Variants in SHISA9 observed in about 807,000 individuals in gnomAD.
The protein encoded by SHISA9 is shisa family member 9.
In SHISA9, 13 loss-of-function variants were observed where a neutral mutation model predicts 38.0. The observed-to-expected ratio is 0.34, with a 90% CI of 0.22 to 0.54. SHISA9 has a LOEUF of 0.54. Among genes scored for constraint, SHISA9 ranks in the 20% least tolerant of loss-of-function variants. The probability of loss-of-function intolerance (pLI) is 0.91; values close to 1 mark genes in which losing one functional copy is unlikely to be tolerated. For missense variants in SHISA9, 538 were observed against 575.8 expected, an observed-to-expected ratio of 0.93 and a Z score of 0.67; for synonymous variants, 275 against 242.0, an observed-to-expected ratio of 1.14 and a Z score of -1.27.
intron 2 of SHISA9, among the ~76,000 whole-genome samples, chr16:13,083,593 T>C (rs2073678065): frequency 6.6e-6 from 1 of 152,194 alleles, no homozygotes; most frequent in African/African-American, 2.4e-5. Flanking sequence ...TGCGAAGCCC[T>C]AAGCATCAAT....
At chr16:13,139,580 C>G (rs1325238367) in intron 2 of SHISA9, among the ~76,000 whole-genome samples, 2 of 151,808 alleles carry the variant, frequency 1.3e-5, no homozygotes, top group African/African-American at 2.4e-5. Flanking sequence ...TGGAAGCCTG[C>G]TATAAACAGA....
At chr16:13,469,075 C>T in the SHISA9 span, among the ~76,000 whole-genome samples, 1 of 151,212 alleles carries the variant, frequency 6.6e-6, no homozygotes. Context: ...AACCCCATCT[C>T]TACTAAAAAT....
At chr16:12,974,851 A>G (rs1291431307) in intron 2 of SHISA9, among the ~76,000 whole-genome samples, 1 of 152,128 alleles carries the variant, frequency 6.6e-6, no homozygotes, top group Admixed American at 6.6e-5. Flanking sequence ...ACCTGAAACT[A>G]TATATGTCTA....
chr16:12,931,054 A>G (rs185484706), intron 2 of SHISA9, among the ~76,000 whole-genome samples: 2 of 152,294 alleles, frequency 1.3e-5, no homozygotes, highest in East Asian at 1.9e-4. Flanking sequence ...CAAGCTAAGA[A>G]AAGCACTTAA....
chr16:13,245,800 G>A, the SHISA9 span, among the ~76,000 whole-genome samples: 6 of 152,122 alleles, frequency 3.9e-5, no homozygotes, highest in South Asian at 2.1e-4. Context: ...AGGCTAGACC[G>A]ACTTTGGAGT....
At chr16:13,376,129 C>T in the SHISA9 span, among the ~76,000 whole-genome samples, 2 of 152,182 alleles carry the variant, frequency 1.3e-5, no homozygotes, top group African/African-American at 2.4e-5. Flanking sequence ...CACACAATGA[C>T]TCTGAAAAAT....
chr16:13,279,221 A>G, the SHISA9 span, among the ~76,000 whole-genome samples: 1 of 151,826 alleles, frequency 6.6e-6, no homozygotes, highest in Non-Finnish European at 1.5e-5. Flanking sequence ...TTTTGAGTTG[A>G]TTTCCAGTTT....
chr16:13,341,680 ATTTG>A, the SHISA9 span, among the ~76,000 whole-genome samples: 1 of 152,120 alleles, frequency 6.6e-6, no homozygotes, highest in Admixed American at 6.5e-5. Flanking sequence ...GCTAACCTGT[ATTTG>A]TTTCTCCATT....
the SHISA9 span, among the ~76,000 whole-genome samples, chr16:13,351,822 C>G: frequency 3.9e-5 from 6 of 152,184 alleles, no homozygotes; most frequent in South Asian, 6.2e-4. Context: ...ATAATTTACT[C>G]TAGTCTGAAA....
At chr16:13,434,611 G>A in the SHISA9 span, among the ~76,000 whole-genome samples, 4 of 151,842 alleles carry the variant, frequency 2.6e-5, no homozygotes, top group African/African-American at 4.8e-5. Flanking sequence ...GTAGAGATGG[G>A]GTTTCACCGT....
intron 2 of SHISA9, among the ~76,000 whole-genome samples, chr16:13,100,440 C>T (rs889657266): frequency 6.6e-6 from 1 of 152,160 alleles, no homozygotes; most frequent in African/African-American, 2.4e-5. Context: ...CTCTGTGGTG[C>T]CCTGCATAGC....
the SHISA9 span, among the ~76,000 whole-genome samples, chr16:13,339,428 T>C: frequency 6.6e-6 from 1 of 152,190 alleles, no homozygotes; most frequent in African/African-American, 2.4e-5. Context: ...ATTTCTTCAG[T>C]TACAATCTGC....
chr16:12,991,020 C>T (rs755523231), intron 2 of SHISA9, among the ~76,000 whole-genome samples: 2 of 152,166 alleles, frequency 1.3e-5, no homozygotes, highest in African/African-American at 2.4e-5. Context: ...TATTTCACCC[C>T]AGTCTTGCTA....
the SHISA9 span, among the ~76,000 whole-genome samples, chr16:13,398,061 G>T: frequency 7.9e-5 from 12 of 152,192 alleles, no homozygotes; most frequent in Non-Finnish European, 1.3e-4. Context: ...ACCTGCTGTG[G>T]CATCTGTCGG....
intron 2 of SHISA9, among the ~76,000 whole-genome samples, chr16:12,982,051 CT>C (rs2072246364): frequency 6.6e-6 from 1 of 152,196 alleles, no homozygotes; most frequent in Non-Finnish European, 1.5e-5. Context: ...TCAAATTAGA[CT>C]TATGGTCGTT....
the SHISA9 span, among the ~76,000 whole-genome samples, chr16:13,324,997 T>C: frequency 6.6e-6 from 1 of 152,186 alleles, no homozygotes; most frequent in South Asian, 2.1e-4. Flanking sequence ...AAAGAAATGC[T>C]TGAGTTTAGA....
At chr16:12,991,987 A>G (rs2072392763) in intron 2 of SHISA9, among the ~76,000 whole-genome samples, 1 of 152,234 alleles carries the variant, frequency 6.6e-6, no homozygotes, top group East Asian at 1.9e-4. Context: ...AACTTGCCTC[A>G]GTGTCTAGAA....
intron 4 of SHISA9, among the ~76,000 whole-genome samples, chr16:13,216,819 T>G (rs1165976549): frequency 6.6e-6 from 1 of 152,160 alleles, no homozygotes; most frequent in East Asian, 1.9e-4. Context: ...GGACAGGAAA[T>G]GATAAACATC....
At chr16:13,347,068 A>G in the SHISA9 span, among the ~76,000 whole-genome samples, 1 of 152,154 alleles carries the variant, frequency 6.6e-6, no homozygotes, top group African/African-American at 2.4e-5. Context: ...AATCAAAGGA[A>G]AGTTGTATTG....
Sources: gnomAD v4.1 joint callset for allele counts (sites outside exome capture counted in the v4.1 genomes callset) on GRCh38, gnomAD v4.1.1 for gene constraint, MANE v1.5 for transcripts, NCBI Gene and HGNC (gene_info 2026-07-23, HGNC 2026-07-21) for gene names.